Variants in FGF13 observed in about 807,000 individuals in gnomAD.
FGF13 encodes fibroblast growth factor homologous factor 2.
A neutral mutation model predicts 19.5 loss-of-function variants in FGF13; 2 were observed. The observed-to-expected ratio is 0.10, with a 90% confidence interval of 0.04 to 0.32. The LOEUF (loss-of-function observed/expected upper bound fraction) is 0.32, where lower values mean the gene tolerates loss of function less well. Among genes scored for constraint, FGF13 ranks in the 10% least tolerant of loss-of-function variants. The probability of loss-of-function intolerance (pLI) is 1.00; values close to 1 mark genes in which losing one functional copy is unlikely to be tolerated. For missense variants in FGF13, 113 were observed against 192.7 expected (o/e 0.59, Z 2.45); for synonymous variants, 72 against 76.9 (o/e 0.94, Z 0.33).
intron 1 of FGF13, among the ~76,000 whole-genome samples, chrX:139,112,240 G>A (rs181098814): frequency 2.7e-5 from 3 of 111,112 alleles, no homozygotes; most frequent in Non-Finnish European, 5.7e-5. Context: ...GTAAAATGGG[G>A]GTTATGATAC....
At chrX:139,134,326 C>T (rs955188467) in intron 1 of FGF13, among the ~76,000 whole-genome samples, 1 of 111,837 alleles carries the variant, frequency 8.9e-6, no homozygotes, top group African/African-American at 3.2e-5. Flanking sequence ...GTTTAAATCC[C>T]CTTCATCTGC....
At chrX:138,888,824 G>A (rs116193450) in intron 1 of FGF13, among the ~76,000 whole-genome samples, 1,499 of 111,569 alleles carry the variant, frequency 0.013, 28 homozygotes, top group African/African-American at 0.046. Flanking sequence ...CGTTCCAAAT[G>A]AAGAAACTCT....
chrX:139,106,216 C>T (rs764161188), intron 1 of FGF13, among the ~76,000 whole-genome samples: 12 of 112,115 alleles, frequency 1.1e-4, no homozygotes, highest in Non-Finnish European at 1.9e-4. Flanking sequence ...CACACAGAGG[C>T]GCCCTTAAGC....
intron 3 of FGF13, among the ~76,000 whole-genome samples, chrX:138,640,958 T>A (rs2089244638): frequency 9.1e-6 from 1 of 109,386 alleles, no homozygotes; most frequent in South Asian, 3.9e-4. Context: ...AAAAACATAT[T>A]TTTTTTTTAC....
chrX:138,654,996 A>G (rs372697123), intron 3 of FGF13, among the ~76,000 whole-genome samples: 223 of 111,618 alleles, frequency 2.0e-3, no homozygotes, highest in Middle Eastern at 4.6e-3. Context: ...ATAGCTTTTG[A>G]GGAGTGAGGC....
chrX:138,937,196 C>G (rs1466879069), intron 1 of FGF13, among the ~76,000 whole-genome samples: 2 of 111,523 alleles, frequency 1.8e-5, no homozygotes, highest in African/African-American at 6.5e-5. Flanking sequence ...AAGTCAAATT[C>G]AGCTCACTAG....
At position 139,202,252 on chromosome X, in the gene FGF13, C is replaced by T. The variant is rs1361041832; in HGVS notation, c.-113+1164G>A. Among the ~76,000 whole-genome samples, 6 of 111,813 alleles carry T rather than the reference C, an allele frequency of 5.4e-5. No individual in the cohort carries two copies. In the Admixed American group the frequency reaches 5.7e-4, roughly 11 times the overall value. ...TGATGGAAATCAGGAACCAAAGTTC[C>T]AGAAACAAACGAGAAATACTCCCAG... On this transcript the variant is annotated intron_variant, in intron 1 of 2. Transcript: ENST00000421460.
In FGF13 at chrX:139,047,772, CCTCT is replaced by C. The variant is rs1569446787; in HGVS notation, c.-113+155640_-113+155643del. ...GTTTATCATATATGTTAATTTACTCCCTCTGTCAAATGGCAAAAGCACGATTATT... is the reference window on the plus strand; with the variant it reads ...GTTTATCATATATGTTAATTTACTCCGTCAAATGGCAAAAGCACGATTATT... On this transcript the variant is annotated intron_variant, in intron 1 of 2. Coordinates refer to the FGF13 transcript ENST00000421460. Among the ~76,000 whole-genome samples, 4 of 111,708 alleles carry C rather than the reference CCTCT, an allele frequency of 3.6e-5. 1 individual carries two copies. The highest frequency in any genetic ancestry group is 9.8e-5 in the African/African-American group (3 of 30,728).
At chrX:139,072,259 ATC>A (rs1258801206) in intron 1 of FGF13, among the ~76,000 whole-genome samples, 20 of 101,908 alleles carry the variant, frequency 2.0e-4, no homozygotes, top group Admixed American at 2.1e-4. Context: ...AATCAGAAAT[ATC>A]TCTCTCTCTC....
chrX:138,889,371 C>T (rs905737583), intron 1 of FGF13, among the ~76,000 whole-genome samples: 3 of 112,219 alleles, frequency 2.7e-5, no homozygotes, highest in Non-Finnish European at 5.6e-5. Flanking sequence ...GGTCCCCACC[C>T]TTAGATGGGA....
At chrX:138,783,025 C>G (rs1214524668) in intron 3 of FGF13, among the ~76,000 whole-genome samples, 264 of 87,109 alleles carry the variant, frequency 3.0e-3, no homozygotes, top group Admixed American at 6.0e-3. Context: ...CTACAACTAT[C>G]TGATCTTTGA....
At chrX:138,667,611 T>C (rs1357518419) in intron 3 of FGF13, 4 of 331,913 alleles carry the variant, frequency 1.2e-5, no homozygotes, top group African/African-American at 1.1e-4. Context: ...AGAGGATCAG[T>C]TGAATTTTCA....
intron 1 of FGF13, among the ~76,000 whole-genome samples, chrX:139,086,615 GATC>G (rs1203412175): frequency 2.7e-5 from 3 of 112,065 alleles, no homozygotes; most frequent in Non-Finnish European, 5.6e-5. Flanking sequence ...ACTCTGATTT[GATC>G]ATTAACACAC....
At chrX:138,730,120 A>G (rs1377766142) in intron 1 of FGF13, among the ~76,000 whole-genome samples, 1 of 111,430 alleles carries the variant, frequency 9.0e-6, no homozygotes, top group African/African-American at 3.3e-5. Context: ...CACGAAGAGT[A>G]AATAAATTTG....
At chrX:139,047,148 T>A (rs769864194) in intron 1 of FGF13, among the ~76,000 whole-genome samples, 2 of 112,228 alleles carry the variant, frequency 1.8e-5, no homozygotes, top group Non-Finnish European at 3.8e-5. Flanking sequence ...CTACTTGAAG[T>A]CCTCTTTGAA....
chrX:138,687,133 A>C (rs931562207), intron 3 of FGF13, among the ~76,000 whole-genome samples: 38 of 111,752 alleles, frequency 3.4e-4, no homozygotes, highest in African/African-American at 1.2e-3. Context: ...CAGAAAACAA[A>C]ATTTAAAAAA....
intron 1 of FGF13, among the ~76,000 whole-genome samples, chrX:139,074,707 A>G (rs1216888520): frequency 3.6e-5 from 4 of 112,194 alleles, no homozygotes; most frequent in Admixed American, 2.8e-4. Context: ...GTGCTTTACC[A>G]TGGACAGGTA....
rs771644186 is a variant in FGF13 at position 138,738,404 on chromosome X, T to C, written c.28+838A>G. Among the ~76,000 whole-genome samples, 6 of 112,286 alleles carry C rather than the reference T, an allele frequency of 5.3e-5. No individual in the cohort carries two copies. In the East Asian group the frequency reaches 1.7e-3, roughly 32 times the overall value. On this transcript the variant is annotated intron_variant, in intron 1 of 4. Coordinates refer to the FGF13 transcript ENST00000305414. ...ATGAGGTTGCTTTATTCAGCTAATA[T>C]GAAGATTGGCAAAACCATTTTTTTA...
At chrX:138,982,182 G>C (rs1380924936) in intron 1 of FGF13, among the ~76,000 whole-genome samples, 1 of 111,378 alleles carries the variant, frequency 9.0e-6, no homozygotes, top group Non-Finnish European at 1.9e-5. Context: ...GAACAGGTCT[G>C]GGAAATTTAT....
Sources: allele counts gnomAD v4.1 joint callset (sites outside exome capture counted in the v4.1 genomes callset), GRCh38; gene constraint gnomAD v4.1.1; transcripts MANE v1.5; gene names NCBI Gene and HGNC (gene_info 2026-07-23, HGNC 2026-07-21).